Variants in COBL observed in about 807,000 individuals in gnomAD.
COBL encodes cordon-bleu WH2 repeat protein, also known as protein cordon-bleu.
Under a neutral mutation model 98.8 loss-of-function variants are expected in COBL, and 51 were observed. That is an observed-to-expected ratio of 0.52 (90% CI 0.41 to 0.65). COBL has a LOEUF of 0.65. COBL is among the 30% of genes least tolerant of loss of function. The pLI is 0.00. For synonymous variants in COBL, 634 were observed against 651.7 expected, an observed-to-expected ratio of 0.97 and a Z score of 0.41; for missense variants, 1,617 against 1,617.5, an observed-to-expected ratio of 1.00 and a Z score of 0.01.
chr7:51,294,435 C>A (rs1391589302), intron 1 of COBL, among the ~76,000 whole-genome samples: 1 of 151,654 alleles, frequency 6.6e-6, no homozygotes, highest in East Asian at 1.9e-4. Flanking sequence ...AAGGTAGAGA[C>A]CAGCCTGGCC....
At chr7:51,223,646 T>C (rs1418318111) in intron 1 of COBL, among the ~76,000 whole-genome samples, 1 of 152,218 alleles carries the variant, frequency 6.6e-6, no homozygotes. Context: ...CTGTACTCTC[T>C]GCCTCACTTG....
chr7:51,187,146 A>T (rs1789604880), intron 4 of COBL, among the ~76,000 whole-genome samples: 1 of 151,988 alleles, frequency 6.6e-6, no homozygotes, highest in South Asian at 2.1e-4. Flanking sequence ...AGGATGAAGG[A>T]CCCTTAAAGA....
At chr7:51,131,974 G>C (rs534620424) in intron 6 of COBL, among the ~76,000 whole-genome samples, 2 of 152,334 alleles carry the variant, frequency 1.3e-5, no homozygotes, top group Admixed American at 6.5e-5. Flanking sequence ...GTATGGAATA[G>C]TGAGTAGGGT....
At chr7:51,290,765 G>A (rs994552679) in intron 1 of COBL, among the ~76,000 whole-genome samples, 1 of 151,998 alleles carries the variant, frequency 6.6e-6, no homozygotes, top group Non-Finnish European at 1.5e-5. Flanking sequence ...CCAGACACCT[G>A]GGCCAGCACC....
chr7:51,105,881 G>A (rs913570890), intron 6 of COBL, among the ~76,000 whole-genome samples: 2 of 152,026 alleles, frequency 1.3e-5, no homozygotes, highest in Non-Finnish European at 2.9e-5. Flanking sequence ...GAAGGAAATG[G>A]TGACATCCTG....
rs1358606988 is a variant in COBL, at chr7:51,018,906, ATATATAT to A, written c.3769-1345_3769-1339del. On this transcript the variant is annotated intron_variant, in intron 12 of 12. Coordinates refer to ENST00000265136, the MANE Select transcript of COBL (RefSeq NM_015198.5). The stretch of plus-strand genomic sequence containing the variant: ...AACTCCATCTCAAAAAAAAAAAAAA[ATATATAT>A]ATATATATATATATATATATATATA... Among the ~76,000 whole-genome samples, 80 of 33,790 alleles carry A rather than the reference ATATATAT, an allele frequency of 2.4e-3. 17 individuals carry two copies. The highest frequency in any genetic ancestry group is 3.9e-3 in the African/African-American group (46 of 11,782). 22.2% of individuals were successfully genotyped at this position (33,790 alleles called of 152,430 possible).
rs929014917 is a variant in COBL, at chr7:51,161,284, C to T, written c.783+22818G>A. Among the ~76,000 whole-genome samples, 6 of 152,338 alleles carry T rather than the reference C, an allele frequency of 3.9e-5. No homozygotes were observed. The South Asian group carries it at 8.3e-4, about 21-fold the overall frequency. On this transcript the variant is annotated intron_variant, in intron 5 of 12. Coordinates refer to ENST00000265136, the MANE Select transcript of COBL (RefSeq NM_015198.5). ...AAGTTCTCTGTAATCCCCCTGGAGA[C>T]CCGGATCAGCTGGGTGGAAATGCAG...
intron 1 of COBL, among the ~76,000 whole-genome samples, chr7:51,286,502 G>GA (rs1800385551): frequency 6.6e-6 from 1 of 151,422 alleles, no homozygotes; most frequent in Admixed American, 6.6e-5. Context: ...AGAAACATAT[G>GA]AAAAAACTGT....
chr7:51,244,454 C>T (rs995819288), intron 1 of COBL, among the ~76,000 whole-genome samples: 5 of 151,946 alleles, frequency 3.3e-5, no homozygotes, highest in African/African-American at 1.2e-4. Context: ...CTCACATGTC[C>T]AAAACCTTCA....
Position 51,028,298 on chromosome 7 carries a change from C to T in COBL, c.2798G>A (p.Cys933Tyr). 6.2e-7 allele frequency: 1 copy of T among 1,614,226 alleles called. No homozygotes were observed. Among genetic ancestry groups the T allele is most frequent in the Non-Finnish European group, 8.5e-7 (1 of 1,180,036 alleles). ...QGWKDGAQWP[C>Y]VTPPNNHGED... ...CCCGTGGTTGTTGGGAGGAGTGACA[C>T]AGGGCCACTGGGCACCATCCTTCCA... is the stretch of plus-strand genomic sequence containing the variant. The change falls in exon 10 of 13, where the codon TGT (cysteine) becomes TAT (tyrosine). Residue 933 changes from cysteine (C) to tyrosine (Y), a missense_variant. This residue lies in a region of COBL where 1,304 missense variants were observed against 1,282.0 expected (regional missense o/e 1.02). Transcript: ENST00000265136.
In COBL at chr7:51,049,574, G is replaced by A. The variant is rs1790043892; in HGVS notation, c.1097-5882C>T. ...CAGTCAATTTAAGAGTTGCGAAGGTGGGATTCATGGACAATACCACAGGAA... is the reference window on the plus strand; with the variant it reads ...CAGTCAATTTAAGAGTTGCGAAGGTAGGATTCATGGACAATACCACAGGAA... On this transcript the variant is annotated intron_variant, in intron 7 of 12. Coordinates refer to ENST00000265136, the MANE Select transcript of COBL (RefSeq NM_015198.5). Among the ~76,000 whole-genome samples, 3 of 152,178 alleles carry A rather than the reference G, an allele frequency of 2.0e-5. No homozygotes were observed. The South Asian group carries it at 6.2e-4, about 32-fold the overall frequency.
At chr7:51,226,591 T>C (rs1232189181) in intron 1 of COBL, among the ~76,000 whole-genome samples, 1 of 151,416 alleles carries the variant, frequency 6.6e-6, no homozygotes, top group Non-Finnish European at 1.5e-5. Flanking sequence ...AGTGAGGGAG[T>C]GAGTTGGGAT....
chr7:51,023,347 C>T (rs1787129894), intron 12 of COBL, among the ~76,000 whole-genome samples: 1 of 152,200 alleles, frequency 6.6e-6, no homozygotes, highest in African/African-American at 2.4e-5. Flanking sequence ...ATAAAACTTG[C>T]CATATCCCTT....
chr7:51,270,813 T>C (rs1330548681), intron 1 of COBL, among the ~76,000 whole-genome samples: 9 of 151,572 alleles, frequency 5.9e-5, no homozygotes, highest in Admixed American at 5.9e-4. Flanking sequence ...TACATTTTAT[T>C]ATTCGACTTA....
chr7:51,143,301 C>G (rs952833112), intron 5 of COBL, among the ~76,000 whole-genome samples: 1 of 152,072 alleles, frequency 6.6e-6, no homozygotes, highest in African/African-American at 2.4e-5. Context: ...AAATGAGGTT[C>G]CAACTTATAA....
chr7:51,285,090 G>A (rs931791895), intron 1 of COBL, among the ~76,000 whole-genome samples: 4 of 151,836 alleles, frequency 2.6e-5, no homozygotes, highest in Admixed American at 1.3e-4. Context: ...GGGAAAACAG[G>A]AGCGTGCCAG....
intron 1 of COBL, among the ~76,000 whole-genome samples, chr7:51,313,961 G>T (rs1803299909): frequency 6.6e-6 from 1 of 152,262 alleles, no homozygotes; most frequent in African/African-American, 2.4e-5. Flanking sequence ...TTTCCTAAAA[G>T]AACACTTTCC....
intron 1 of COBL, among the ~76,000 whole-genome samples, chr7:51,281,504 C>G (rs1198017925): frequency 6.6e-6 from 1 of 152,144 alleles, no homozygotes; most frequent in Non-Finnish European, 1.5e-5. Flanking sequence ...ACATCATTAT[C>G]AAAGTGCTTA....
intron 7 of COBL, chr7:51,071,222 A>T (rs1194468145): frequency 6.6e-6 from 1 of 152,262 alleles, no homozygotes; most frequent in Non-Finnish European, 1.5e-5. Flanking sequence ...ATGACCTGTA[A>T]CAAGGGATGG....
Sources: allele counts gnomAD v4.1 joint callset (sites outside exome capture counted in the v4.1 genomes callset), GRCh38; gene constraint gnomAD v4.1.1; regional missense constraint gnomAD v4.1.1; transcripts MANE v1.5; gene names NCBI Gene and HGNC (gene_info 2026-07-23, HGNC 2026-07-21).